HMBOX1: variants seen among roughly 807,000 people sequenced by gnomAD.
HMBOX1 encodes homeobox containing 1.
A neutral mutation model predicts 54.5 loss-of-function variants in HMBOX1; 14 were observed. That is an observed-to-expected ratio of 0.26 (90% CI 0.17 to 0.40). The LOEUF (loss-of-function observed/expected upper bound fraction) is 0.40, where lower values mean the gene tolerates loss of function less well. HMBOX1 is among the 10% of genes least tolerant of loss of function. The pLI is 1.00. For synonymous variants in HMBOX1, 160 were observed against 181.0 expected (o/e 0.88, Z 0.93); for missense variants, 332 against 514.4 (o/e 0.65, Z 3.43).
At chr8:28,905,366 C>G (rs1421035217) in intron 1 of HMBOX1, among the ~76,000 whole-genome samples, 1 of 152,234 alleles carries the variant, frequency 6.6e-6, no homozygotes, top group Non-Finnish European at 1.5e-5. Context: ...CACACACACA[C>G]ACACACGCAG....
chr8:29,040,039 C>T (rs1804589703), intron 6 of HMBOX1, among the ~76,000 whole-genome samples: 1 of 152,070 alleles, frequency 6.6e-6, no homozygotes, highest in African/African-American at 2.4e-5. Flanking sequence ...GTTGCCTTTG[C>T]CTCTCCAATG....
At chr8:28,896,282 C>T (rs1304957728) in intron 1 of HMBOX1, among the ~76,000 whole-genome samples, 1 of 152,132 alleles carries the variant, frequency 6.6e-6, no homozygotes, top group African/African-American at 2.4e-5. Flanking sequence ...CCCCAGTTTC[C>T]CCTATTGGTT....
chr8:28,974,984 A>G (rs948922943), intron 3 of HMBOX1, among the ~76,000 whole-genome samples: 3 of 152,216 alleles, frequency 2.0e-5, no homozygotes, highest in Non-Finnish European at 4.4e-5. Context: ...CTAGAAAAGG[A>G]AGCAATGTCA....
intron 1 of HMBOX1, among the ~76,000 whole-genome samples, chr8:28,912,619 A>G (rs1163169878): frequency 6.6e-6 from 1 of 152,120 alleles, no homozygotes; most frequent in Admixed American, 6.5e-5. Flanking sequence ...TTCCTTCTTT[A>G]TGAAACACTT....
rs114484147 is a variant in HMBOX1 at position 28,991,055 on chromosome 8, G to A, written c.586+10899G>A. The stretch of plus-strand genomic sequence containing the variant: ...GTCCTTTCTCTTGTATTTTCTGGAA[G>A]CATTTGTGTAGAATTGGTATTATTT... On this transcript the variant is annotated intron_variant, in intron 4 of 9. Coordinates refer to ENST00000287701, the MANE Select transcript of HMBOX1 (RefSeq NM_001135726.3). Among the ~76,000 whole-genome samples, 223 of 152,282 alleles carry A rather than the reference G, an allele frequency of 1.5e-3. 1 individual carries two copies. Among genetic ancestry groups the A allele is most frequent in the African/African-American group, 5.2e-3 (216 of 41,572 alleles).
intron 4 of HMBOX1, among the ~76,000 whole-genome samples, chr8:28,992,413 C>G (rs528490160): frequency 2.8e-4 from 42 of 152,276 alleles, no homozygotes; most frequent in African/African-American, 9.9e-4. Flanking sequence ...ATTCATGTCT[C>G]TCCAGATTGA....
chr8:29,009,626 T>TG, intron 5 of HMBOX1: 1 of 1,231,062 alleles, frequency 8.1e-7, no homozygotes, highest in South Asian at 1.4e-5. Flanking sequence ...TCTCTGCTAA[T>TG]GATTTTTTTT....
chr8:28,898,330 G>C (rs1812564213), intron 1 of HMBOX1, among the ~76,000 whole-genome samples: 2 of 152,066 alleles, frequency 1.3e-5, no homozygotes, highest in Admixed American at 6.6e-5. Context: ...TATTTACAAA[G>C]CTTTTTGGCT....
At chr8:28,956,806 G>C (rs965173390) in intron 1 of HMBOX1, among the ~76,000 whole-genome samples, 1 of 152,092 alleles carries the variant, frequency 6.6e-6, no homozygotes, top group African/African-American at 2.4e-5. Flanking sequence ...TAAACTGTCT[G>C]CTCTAACCCC....
intron 4 of HMBOX1, among the ~76,000 whole-genome samples, chr8:29,000,406 C>T (rs1322014931): frequency 6.6e-6 from 1 of 152,190 alleles, no homozygotes; most frequent in Non-Finnish European, 1.5e-5. Context: ...AGTTCATGAC[C>T]TTCTAGATTC....
intron 1 of HMBOX1, among the ~76,000 whole-genome samples, chr8:28,947,741 T>C (rs1290578630): frequency 6.6e-6 from 1 of 152,212 alleles, no homozygotes; most frequent in East Asian, 1.9e-4. Flanking sequence ...AATTTTCTAA[T>C]GTAGATTCTC....
At chr8:29,012,769 A>T (rs1834378114) in intron 5 of HMBOX1, among the ~76,000 whole-genome samples, 1 of 152,258 alleles carries the variant, frequency 6.6e-6, no homozygotes, top group African/African-American at 2.4e-5. Flanking sequence ...AAAAGAAATC[A>T]ATCTGCCTTG....
intron 1 of HMBOX1, among the ~76,000 whole-genome samples, chr8:28,960,753 CTTTTTCTTTTTCTTTTTTTTTT>C (rs1825345414): frequency 3.0e-5 from 2 of 65,658 alleles, no homozygotes; most frequent in African/African-American, 1.2e-4. Flanking sequence ...TTCTCTTTTT[CTTTTTCTTTTTCTTTTTTTTTT>C]TTTTTTTTTT....
At chr8:28,990,832 T>G (rs1830875186) in intron 4 of HMBOX1, among the ~76,000 whole-genome samples, 1 of 152,118 alleles carries the variant, frequency 6.6e-6, no homozygotes, top group Non-Finnish European at 1.5e-5. Context: ...TTTTGTATTT[T>G]TAGTAGAGGC....
chr8:28,896,382 G>GCATATTTTATCACAGGTT (rs1554518022), intron 1 of HMBOX1, among the ~76,000 whole-genome samples: 13 of 150,210 alleles, frequency 8.7e-5, no homozygotes, highest in Admixed American at 1.3e-4. Context: ...TTTATCACAG[G>GCATATTTTATCACAGGTT]TGTGTAGATT....
At chr8:29,044,224 A>G (rs1805256273) in intron 6 of HMBOX1, among the ~76,000 whole-genome samples, 3 of 152,198 alleles carry the variant, frequency 2.0e-5, no homozygotes, top group Admixed American at 2.0e-4. Flanking sequence ...CAATGCAGAC[A>G]GGAGTGCTGA....
At chr8:28,956,268 T>C (rs932441048) in intron 1 of HMBOX1, among the ~76,000 whole-genome samples, 2 of 152,070 alleles carry the variant, frequency 1.3e-5, no homozygotes, top group African/African-American at 4.8e-5. Flanking sequence ...CTTGATAACT[T>C]GGATCTGCTC....
At chr8:29,026,665 ATAAC>A (rs1482548539) in intron 6 of HMBOX1, among the ~76,000 whole-genome samples, 14 of 152,324 alleles carry the variant, frequency 9.2e-5, no homozygotes, top group African/African-American at 3.1e-4. Context: ...AAGAGGTTGA[ATAAC>A]TAACTTCCTA....
At chr8:28,954,538 G>A (rs989714926) in intron 1 of HMBOX1, among the ~76,000 whole-genome samples, 1 of 152,124 alleles carries the variant, frequency 6.6e-6, no homozygotes, top group East Asian at 1.9e-4. Flanking sequence ...ATTATTGAGT[G>A]AAACAGATCT....
Sources: gnomAD v4.1 joint callset for allele counts (sites outside exome capture counted in the v4.1 genomes callset) on GRCh38, gnomAD v4.1.1 for gene constraint, MANE v1.5 for transcripts, NCBI Gene and HGNC (gene_info 2026-07-23, HGNC 2026-07-21) for gene names.